QTGAL: variants seen among roughly 807,000 people sequenced by gnomAD.
QTGAL encodes the protein BGnT-like protein 1.
the QTGAL span, among the ~76,000 whole-genome samples, chr17:82,964,964 G>C: frequency 7.0e-6 from 1 of 142,082 alleles, no homozygotes. Flanking sequence ...ACAGGAGAAC[G>C]GGGACATGGA....
the QTGAL span, among the ~76,000 whole-genome samples, chr17:83,048,263 A>T: frequency 6.6e-6 from 1 of 152,136 alleles, no homozygotes; most frequent in Non-Finnish European, 1.5e-5. Flanking sequence ...CTTGACCTCA[A>T]AGGATCCGCC....
chr17:82,994,886 T>C, the QTGAL span, among the ~76,000 whole-genome samples: 1 of 152,316 alleles, frequency 6.6e-6, no homozygotes, highest in Admixed American at 6.5e-5. Flanking sequence ...TAGTTCAACA[T>C]ATGCAAATCA....
the QTGAL span, among the ~76,000 whole-genome samples, chr17:83,000,023 C>A: frequency 6.6e-6 from 1 of 152,112 alleles, no homozygotes; most frequent in Non-Finnish European, 1.5e-5. Flanking sequence ...AGTGCAGTGG[C>A]GCGATCTCAG....
the QTGAL span, chr17:83,006,359 A>G: frequency 1.0e-6 from 1 of 985,368 alleles, no homozygotes; most frequent in Non-Finnish European, 1.2e-6. This position sits in a 1 kb window ranked among gnomAD's most constrained non-coding sequence, Gnocchi z 5.8. Context: ...TTCTGTTTGC[A>G]TTTGTTGTTG....
the QTGAL span, among the ~76,000 whole-genome samples, chr17:83,039,107 C>T: frequency 2.6e-5 from 4 of 152,266 alleles, no homozygotes; most frequent in Admixed American, 6.5e-5. Context: ...CCTGAGTGCC[C>T]GCTGCCCACC....
chr17:82,957,487 T>C, the QTGAL span: 1 of 1,602,800 alleles, frequency 6.2e-7, no homozygotes, highest in Non-Finnish European at 8.5e-7. Flanking sequence ...TGGGTCCAGA[T>C]GGTCGTCCTG....
chr17:83,000,417 G>A, the QTGAL span, among the ~76,000 whole-genome samples: 4 of 152,186 alleles, frequency 2.6e-5, no homozygotes, highest in South Asian at 4.1e-4. Context: ...CGTGCAGCAC[G>A]CACTGCAGTG....
the QTGAL span, among the ~76,000 whole-genome samples, chr17:83,033,436 T>C: frequency 3.3e-5 from 5 of 151,716 alleles, no homozygotes; most frequent in Non-Finnish European, 7.4e-5. Context: ...ACTGTCAAGA[T>C]GGCATCAACT....
the QTGAL span, chr17:83,005,900 G>A: frequency 5.1e-6 from 7 of 1,360,304 alleles, no homozygotes; most frequent in Non-Finnish European, 6.6e-6. This position sits in a 1 kb window ranked among gnomAD's most constrained non-coding sequence, Gnocchi z 5.6. Flanking sequence ...CCCGGAGTGG[G>A]CTCCCAGCAC....
At chr17:83,019,253 C>T in the QTGAL span, among the ~76,000 whole-genome samples, 1 of 151,916 alleles carries the variant, frequency 6.6e-6, no homozygotes, top group Admixed American at 6.6e-5. Flanking sequence ...AACCCTGGGG[C>T]GTCAAATTAC....
chr17:83,050,771 AGTGTGCTGGGCACACAGGCAG>A, the QTGAL span, among the ~76,000 whole-genome samples: 10 of 151,886 alleles, frequency 6.6e-5, no homozygotes, highest in Non-Finnish European at 8.8e-5. Context: ...GTTTGGGGTA[AGTGTGCTGGGCACACAGGCAG>A]GTGTGTGGGC....
At chr17:82,951,479 G>A in the QTGAL span, among the ~76,000 whole-genome samples, 1 of 152,194 alleles carries the variant, frequency 6.6e-6, no homozygotes, top group Non-Finnish European at 1.5e-5. Context: ...GTTGTGGCTG[G>A]TTTGATCTGT....
the QTGAL span, among the ~76,000 whole-genome samples, chr17:83,041,430 G>A: frequency 1.3e-5 from 2 of 152,178 alleles, no homozygotes; most frequent in African/African-American, 2.4e-5. Context: ...CAGAAGATTC[G>A]CAGCTAAACA....
chr17:83,032,888 C>G, the QTGAL span, among the ~76,000 whole-genome samples: 1 of 152,340 alleles, frequency 6.6e-6, no homozygotes, highest in South Asian at 2.1e-4. Flanking sequence ...CGTCTGCACA[C>G]GGGCACGCCT....
the QTGAL span, among the ~76,000 whole-genome samples, chr17:82,998,850 A>G: frequency 2.6e-5 from 4 of 152,234 alleles, no homozygotes; most frequent in Admixed American, 2.6e-4. Flanking sequence ...CAAAGAAGAT[A>G]CACGGATGGC....
chr17:82,966,938 C>G, the QTGAL span, among the ~76,000 whole-genome samples: 2 of 152,172 alleles, frequency 1.3e-5, no homozygotes, highest in South Asian at 4.1e-4. Context: ...TGAGGATGTA[C>G]GTTCGGCGAA....
At chr17:82,960,800 C>T in the QTGAL span, among the ~76,000 whole-genome samples, 2 of 152,240 alleles carry the variant, frequency 1.3e-5, no homozygotes, top group Non-Finnish European at 2.9e-5. Context: ...GGTCATTTTA[C>T]CTCTGGGAAC....
the QTGAL span, chr17:83,006,293 C>T: frequency 4.8e-5 from 47 of 985,370 alleles, no homozygotes; most frequent in Non-Finnish European, 5.2e-5. This position sits in a 1 kb window ranked among gnomAD's most constrained non-coding sequence, Gnocchi z 5.8. Flanking sequence ...GTAGCGTTTA[C>T]GCGTAGTGAG....
At chr17:82,980,356 C>T in the QTGAL span, among the ~76,000 whole-genome samples, 7 of 152,130 alleles carry the variant, frequency 4.6e-5, no homozygotes, top group Non-Finnish European at 7.3e-5. Flanking sequence ...CCAAGCAAAC[C>T]ATCAGTTCTG....
Sources: gnomAD v4.1 joint callset for allele counts (sites outside exome capture counted in the v4.1 genomes callset) on GRCh38, gnomAD v4.1.1 for gene constraint, Gnocchi (gnomAD v3.1) non-coding constraint, MANE v1.5 for transcripts, NCBI Gene and HGNC (gene_info 2026-07-23, HGNC 2026-07-21) for gene names.